Variants in FHOD3 observed in about 807,000 individuals in gnomAD.
The protein encoded by FHOD3 is formin homology 2 domain containing 3.
A neutral mutation model predicts 173.0 loss-of-function variants in FHOD3; 90 were observed. That is an observed-to-expected ratio of 0.52 (90% confidence interval 0.44 to 0.62). The LOEUF (loss-of-function observed/expected upper bound fraction) is 0.62, where lower values mean the gene tolerates loss of function less well. Among genes scored for constraint, FHOD3 ranks in the 20% least tolerant of loss-of-function variants. The pLI is 0.00. For missense variants in FHOD3, 1,945 were observed against 2,034.7 expected, an observed-to-expected ratio of 0.96 and a Z score of 0.85; for synonymous variants, 828 against 823.0, an observed-to-expected ratio of 1.01 and a Z score of -0.10.
intron 5 of FHOD3, among the ~76,000 whole-genome samples, chr18:36,568,922 C>A (rs562650586): frequency 7.4e-4 from 112 of 152,216 alleles, no homozygotes; most frequent in African/African-American, 2.6e-3. Flanking sequence ...GTTTTTAATG[C>A]AGCCATTATG....
At chr18:36,452,840 A>G (rs2051942855) in intron 3 of FHOD3, among the ~76,000 whole-genome samples, 1 of 152,002 alleles carries the variant, frequency 6.6e-6, no homozygotes, top group South Asian at 2.1e-4. Flanking sequence ...GTGTGTATGT[A>G]TATATATGTA....
At chr18:36,329,014 G>C (rs2044831129) in intron 1 of FHOD3, among the ~76,000 whole-genome samples, 1 of 152,218 alleles carries the variant, frequency 6.6e-6, no homozygotes, top group Admixed American at 6.5e-5. Context: ...TTTAAAGCCA[G>C]GCTGGCGGGT....
In FHOD3 at chr18:36,397,201, A is replaced by G. The variant is rs541154597; in HGVS notation, c.337+24457A>G. On this transcript the variant is annotated intron_variant, in intron 3 of 28. Transcript: ENST00000590592. ...CTCTCAGTTTCAGCTGCTGTTCTCA[A>G]ATGAGCCTAATATACTCTCCAGTGA... Among the ~76,000 whole-genome samples, 4 of 152,218 alleles carry G rather than the reference A, an allele frequency of 2.6e-5. No homozygotes were observed. In the South Asian group the frequency reaches 8.3e-4, roughly 32 times the overall value.
In FHOD3 at chr18:36,740,662, C is replaced by G; in HGVS notation, c.3583C>G (p.Leu1195Val). The G allele has an allele frequency of 6.2e-7, 1 of 1,613,014 alleles. No homozygotes were observed. The highest frequency in any genetic ancestry group is 8.5e-7 in the Non-Finnish European group (1 of 1,179,620). ...TATCATCTCCTATTTCCAGAAAATT[C>G]TAACGATGATTCCCACCGATGAGGA... ...ALNKEGIEKILTMIPTDEEKQ... is the reference protein window; with the variant it reads ...ALNKEGIEKIVTMIPTDEEKQ... The change falls in exon 21 of 29, where the codon CTA (leucine) becomes GTA (valine). Residue 1195 changes from leucine (L) to valine (V), a missense_variant. Coordinates refer to ENST00000590592, the MANE Select transcript of FHOD3 (RefSeq NM_001281740.3).
chr18:36,679,222 G>T (rs2038072677), intron 14 of FHOD3, among the ~76,000 whole-genome samples: 2 of 151,604 alleles, frequency 1.3e-5, no homozygotes, highest in Admixed American at 1.3e-4. Context: ...CCTTATTTTT[G>T]TAATGTTTTT....
At chr18:36,754,342 A>T (rs534901283) in intron 24 of FHOD3, among the ~76,000 whole-genome samples, 1 of 152,226 alleles carries the variant, frequency 6.6e-6, no homozygotes, top group East Asian at 1.9e-4. Context: ...TGTTTGTTCC[A>T]CAGAAAGCTT....
At chr18:36,696,639 C>G (rs1312849354) in intron 17 of FHOD3, among the ~76,000 whole-genome samples, 1 of 152,214 alleles carries the variant, frequency 6.6e-6, no homozygotes, top group Non-Finnish European at 1.5e-5. Context: ...AATGATGCCC[C>G]TAATCCCCAC....
intron 3 of FHOD3, among the ~76,000 whole-genome samples, chr18:36,416,676 C>T (rs1340437321): frequency 1.3e-5 from 2 of 152,184 alleles, no homozygotes; most frequent in African/African-American, 2.4e-5. Flanking sequence ...CTGTGTTGGA[C>T]TTTTGCATCG....
chr18:36,572,733 G>A (rs927994468), intron 5 of FHOD3, among the ~76,000 whole-genome samples: 60 of 152,120 alleles, frequency 3.9e-4, no homozygotes, highest in Non-Finnish European at 6.6e-4. Context: ...GAGCTCTTGG[G>A]GGGAGGCCTT....
intron 19 of FHOD3, 149 bp downstream of exon 19, chr18:36,718,864 C>T (rs1012156742): frequency 2.9e-5 from 38 of 1,333,098 alleles, no homozygotes; most frequent in Non-Finnish European, 3.8e-5. Flanking sequence ...AGTGTTCCTT[C>T]TGCCACATGC....
At chr18:36,423,493 T>C (rs1037030639) in intron 3 of FHOD3, among the ~76,000 whole-genome samples, 3 of 152,270 alleles carry the variant, frequency 2.0e-5, no homozygotes, top group African/African-American at 7.2e-5. Flanking sequence ...ACTCTGAGAA[T>C]AGAAAGAAGG....
intron 17 of FHOD3, among the ~76,000 whole-genome samples, chr18:36,703,948 G>A (rs1283433901): frequency 6.6e-6 from 1 of 152,120 alleles, no homozygotes; most frequent in Non-Finnish European, 1.5e-5. Flanking sequence ...ACTCACTCCA[G>A]TAATGTCTGT....
At position 36,437,665 on chromosome 18, in the gene FHOD3, C is replaced by CT. The variant is rs1555704498; in HGVS notation, c.338-64250dup. 7.5e-3 allele frequency among the ~76,000 whole-genome samples: 521 copies of CT among 69,458 alleles called. 8 individuals carry two copies. Among genetic ancestry groups the CT allele is most frequent in the South Asian group, 0.019 (34 of 1,768 alleles). The allele number at this position is 69,458 out of a possible 152,430, so 45.6% of individuals were successfully genotyped here. Reference sequence around the variant, plus strand: ...CATTGAGCTTCTGGTTTCTTTCTTTCTTTTTTTTTTTTTTTTTAAGACAGA... The same window carrying CT: ...CATTGAGCTTCTGGTTTCTTTCTTTCTTTTTTTTTTTTTTTTTTAAGACAGA... On this transcript the variant is annotated intron_variant, in intron 3 of 28. Transcript: ENST00000590592.
intron 10 of FHOD3, among the ~76,000 whole-genome samples, chr18:36,626,588 C>T (rs117406038): frequency 1.5e-3 from 230 of 152,192 alleles, no homozygotes; most frequent in Non-Finnish European, 2.6e-3. Context: ...CTTTAGGCTC[C>T]AGTCTCTGCC....
intron 3 of FHOD3, among the ~76,000 whole-genome samples, chr18:36,397,106 G>A: frequency 6.6e-6 from 1 of 152,204 alleles, no homozygotes; most frequent in Non-Finnish European, 1.5e-5. Context: ...ATAGAAGCTA[G>A]ATTGCTACAG....
intron 19 of FHOD3, among the ~76,000 whole-genome samples, chr18:36,726,114 GC>G (rs1284483880): frequency 6.6e-6 from 1 of 150,616 alleles, no homozygotes; most frequent in African/African-American, 2.4e-5. Context: ...CTATTGGACA[GC>G]CAATATATGT....
At chr18:36,592,611 C>A (rs915095647) in intron 6 of FHOD3, among the ~76,000 whole-genome samples, 1 of 152,126 alleles carries the variant, frequency 6.6e-6, no homozygotes, top group Non-Finnish European at 1.5e-5. Context: ...ACTCTGGCTG[C>A]GGTTTGGAGA....
intron 1 of FHOD3, among the ~76,000 whole-genome samples, chr18:36,325,801 G>A (rs994327034): frequency 6.6e-6 from 1 of 152,176 alleles, no homozygotes; most frequent in Non-Finnish European, 1.5e-5. Context: ...TTTACTTAAA[G>A]GACAGATGTA....
Position 36,355,574 on chromosome 18 carries a change from C to T in FHOD3, c.201C>T (p.Gly67=), listed in dbSNP as rs755295066. Residue 67 remains glycine (G), a synonymous_variant, in exon 2 of 29, where the codon GGC becomes GGT. Coordinates refer to ENST00000590592, the MANE Select transcript of FHOD3 (RefSeq NM_001281740.3). ...DDCTLQLSHN[G]AYLDLEATLA... ...GTACTCTGCAGCTCTCTCACAATGG[C>T]GCCTACCTGGATTTGGAGGCCACCC... The T allele has an allele frequency of 6.8e-6, 11 of 1,614,126 alleles. No homozygotes were observed. The East Asian group carries it at 8.9e-5, about 13-fold the overall frequency.
Sources: gnomAD v4.1 joint callset for allele counts (sites outside exome capture counted in the v4.1 genomes callset) on GRCh38, gnomAD v4.1.1 for gene constraint, MANE v1.5 for transcripts, NCBI Gene and HGNC (gene_info 2026-07-23, HGNC 2026-07-21) for gene names.